Variants in DNER observed in about 807,000 individuals in gnomAD.
DNER encodes the protein delta/notch like EGF repeat containing.
In DNER, 33 loss-of-function variants were observed where a neutral mutation model predicts 78.2. The observed-to-expected ratio is 0.42, with a 90% confidence interval of 0.32 to 0.56. The LOEUF (loss-of-function observed/expected upper bound fraction) is 0.56, where lower values mean the gene tolerates loss of function less well. DNER is among the 20% of genes least tolerant of loss of function. The pLI, the probability that DNER is intolerant of heterozygous loss-of-function variation, is 0.11. For missense variants in DNER, 918 were observed against 975.3 expected, an observed-to-expected ratio of 0.94 and a Z score of 0.78; for synonymous variants, 417 against 384.8, an observed-to-expected ratio of 1.08 and a Z score of -0.98.
At position 229,582,688 on chromosome 2, in the gene DNER, A is replaced by G. The variant is rs199575919; in HGVS notation, c.847+3170T>C. On this transcript the variant is annotated intron_variant, in intron 4 of 12. Transcript: ENST00000341772. ...GGAGTCTCACTCTGCTGCCCAGGCT[A>G]GAGTGCAGTGGCGTGATCTTGGCTC... Among the ~76,000 whole-genome samples the G allele has an allele frequency of 1.1e-4, 16 of 152,190 alleles. No individual in the cohort carries two copies. The East Asian group carries it at 2.3e-3, about 22-fold the overall frequency.
chr2:229,611,017 T>C (rs1282033295), intron 1 of DNER, among the ~76,000 whole-genome samples: 2 of 152,252 alleles, frequency 1.3e-5, no homozygotes, highest in Non-Finnish European at 2.9e-5. Context: ...ATTTTGATGA[T>C]ACCATATCTT....
chr2:229,620,685 T>C (rs920609404), intron 1 of DNER, among the ~76,000 whole-genome samples: 1 of 152,256 alleles, frequency 6.6e-6, no homozygotes, highest in African/African-American at 2.4e-5. Flanking sequence ...AGAAGTGTTA[T>C]GGGCTGAATT....
At chr2:229,688,725 G>A (rs1239577678) in intron 1 of DNER, among the ~76,000 whole-genome samples, 1 of 152,126 alleles carries the variant, frequency 6.6e-6, no homozygotes, top group Non-Finnish European at 1.5e-5. Flanking sequence ...ACCTATTCAT[G>A]GTAGCAAAGA....
chr2:229,688,582 G>A (rs1489314303), intron 1 of DNER, among the ~76,000 whole-genome samples: 1 of 152,194 alleles, frequency 6.6e-6, no homozygotes, highest in Non-Finnish European at 1.5e-5. Context: ...CTAGGCAGCA[G>A]GGTGAACCCT....
chr2:229,398,574 T>A (rs73100216), intron 10 of DNER, among the ~76,000 whole-genome samples: 3,037 of 152,230 alleles, frequency 0.02, 103 homozygotes, highest in African/African-American at 0.069. Flanking sequence ...AAAACTATTT[T>A]GTGTCTACGT....
At chr2:229,508,709 G>A (rs1452473973) in intron 6 of DNER, among the ~76,000 whole-genome samples, 18 of 151,868 alleles carry the variant, frequency 1.2e-4, no homozygotes, top group East Asian at 3.9e-4. Flanking sequence ...GTGAAACCCC[G>A]TCTCTACTAA....
intron 7 of DNER, among the ~76,000 whole-genome samples, chr2:229,449,865 C>A (rs528599413): frequency 3.3e-5 from 5 of 152,170 alleles, no homozygotes; most frequent in South Asian, 2.1e-4. Context: ...CTCACTGCAA[C>A]CTCTGCCTTC....
chr2:229,379,129 C>A (rs1215470672), intron 11 of DNER, among the ~76,000 whole-genome samples: 1 of 152,110 alleles, frequency 6.6e-6, no homozygotes, highest in African/African-American at 2.4e-5. Context: ...CCTATCACAC[C>A]CAGCCACTCA....
intron 6 of DNER, among the ~76,000 whole-genome samples, chr2:229,485,033 C>G (rs893160593): frequency 3.9e-5 from 6 of 152,178 alleles, no homozygotes; most frequent in Admixed American, 1.3e-4. Flanking sequence ...TTGGGATATT[C>G]TATGAATAAG....
At chr2:229,637,255 G>A (rs1230047264) in intron 1 of DNER, among the ~76,000 whole-genome samples, 3 of 152,228 alleles carry the variant, frequency 2.0e-5, no homozygotes, top group South Asian at 2.1e-4. Context: ...GTTGAATGGG[G>A]TATTTAAAGT....
At chr2:229,696,982 T>A (rs1201642943) in intron 1 of DNER, among the ~76,000 whole-genome samples, 1 of 152,172 alleles carries the variant, frequency 6.6e-6, no homozygotes, top group Non-Finnish European at 1.5e-5. Flanking sequence ...AACCCAGTCA[T>A]TCCACTCTGA....
chr2:229,447,304 G>A lies in DNER; in HGVS notation c.1486+12C>T. On this transcript the variant is annotated intron_variant, in intron 8 of 12. Coordinates refer to ENST00000341772, the MANE Select transcript of DNER (RefSeq NM_139072.4). ...AGAAAAGGAAGATGTACTGTGTAGGGGCGGTACCCACCTGGATCACAGAGG... is the reference window on the plus strand; with the variant it reads ...AGAAAAGGAAGATGTACTGTGTAGGAGCGGTACCCACCTGGATCACAGAGG... 2 of 1,583,812 alleles carry A rather than the reference G, an allele frequency of 1.3e-6. No homozygotes were observed.
intron 4 of DNER, among the ~76,000 whole-genome samples, chr2:229,563,475 T>C (rs1385399052): frequency 0.047 from 1,614 of 34,702 alleles, no homozygotes; most frequent in Middle Eastern, 0.054. Flanking sequence ...CCATCGCCAT[T>C]ATCATCATCA....
At chr2:229,597,009 G>GCA (rs1301884303) in intron 1 of DNER, among the ~76,000 whole-genome samples, 2 of 144,986 alleles carry the variant, frequency 1.4e-5, no homozygotes, top group African/African-American at 5.0e-5. Flanking sequence ...ACATATACAT[G>GCA]CACACACACA....
intron 12 of DNER, among the ~76,000 whole-genome samples, chr2:229,358,951 G>A (rs778581692): frequency 1.1e-4 from 16 of 152,190 alleles, no homozygotes; most frequent in Non-Finnish European, 1.9e-4. Context: ...TTAAGAAAAT[G>A]TGTATTGATT....
chr2:229,689,581 C>T (rs1301186805), intron 1 of DNER, among the ~76,000 whole-genome samples: 2 of 152,176 alleles, frequency 1.3e-5, no homozygotes, highest in Admixed American at 1.3e-4. Context: ...CCACCACCTA[C>T]CAGTGTGAAA....
intron 1 of DNER, among the ~76,000 whole-genome samples, chr2:229,641,451 T>C (rs186012982): frequency 6.6e-6 from 1 of 152,154 alleles, no homozygotes; most frequent in African/African-American, 2.4e-5. Flanking sequence ...TTTACACAGA[T>C]GCAAATGCAA....
intron 8 of DNER, among the ~76,000 whole-genome samples, chr2:229,440,935 C>G (rs569043033): frequency 6.6e-6 from 1 of 152,206 alleles, no homozygotes; most frequent in Non-Finnish European, 1.5e-5. Context: ...ATCTTTTCAT[C>G]TCTTTTTGAC....
intron 1 of DNER, among the ~76,000 whole-genome samples, chr2:229,653,141 C>G (rs1036008000): frequency 6.6e-6 from 1 of 152,222 alleles, no homozygotes; most frequent in Non-Finnish European, 1.5e-5. Flanking sequence ...AAAATCCAAG[C>G]TTTCTTTTCA....
Sources: gnomAD v4.1 joint callset for allele counts (sites outside exome capture counted in the v4.1 genomes callset) on GRCh38, gnomAD v4.1.1 for gene constraint, MANE v1.5 for transcripts, NCBI Gene and HGNC (gene_info 2026-07-23, HGNC 2026-07-21) for gene names.